FAAH2: variants seen among roughly 807,000 people sequenced by gnomAD.
FAAH2 encodes fatty-acid amide hydrolase 2.
FAAH2 carries 60 observed loss-of-function variants against 36.9 expected under a neutral mutation model. The ratio of observed to expected loss-of-function variants is 1.63; its 90% CI spans 1.32 to 2.02. The LOEUF (loss-of-function observed/expected upper bound fraction) is 2.02. Among genes scored for constraint, FAAH2 ranks in the 30% most tolerant of loss-of-function variants. FAAH2 has a pLI of 0.00. For missense variants in FAAH2, 689 were observed against 397.5 expected, an observed-to-expected ratio of 1.73 and a Z score of -6.23; for synonymous variants, 214 against 143.8, an observed-to-expected ratio of 1.49 and a Z score of -3.49.
At chrX:57,178,999 C>A in the FAAH2 span, among the ~76,000 whole-genome samples, 2 of 111,394 alleles carry the variant, frequency 1.8e-5, no homozygotes, top group African/African-American at 6.5e-5. Flanking sequence ...AATATTGGAA[C>A]CAAGAATTTT....
chrX:57,418,439 T>A (rs2055905779), intron 7 of FAAH2, among the ~76,000 whole-genome samples: 3 of 110,880 alleles, frequency 2.7e-5, no homozygotes, highest in Admixed American at 9.6e-5. Flanking sequence ...TATTGCACCA[T>A]CCCTCATGGC....
the FAAH2 span, among the ~76,000 whole-genome samples, chrX:57,217,124 G>T: frequency 1.1e-4 from 12 of 110,807 alleles, no homozygotes; most frequent in Non-Finnish European, 1.7e-4. Context: ...TGATGGGATT[G>T]ATTGTTTTTT....
At chrX:57,259,948 T>A in the FAAH2 span, among the ~76,000 whole-genome samples, 1 of 112,007 alleles carries the variant, frequency 8.9e-6, no homozygotes, top group Non-Finnish European at 1.9e-5. Context: ...TAATAGTGAC[T>A]GAAATATCAC....
chrX:57,210,478 A>AATAT, the FAAH2 span, among the ~76,000 whole-genome samples: 3 of 112,369 alleles, frequency 2.7e-5, no homozygotes, highest in Admixed American at 9.5e-5. Flanking sequence ...AATGCAATGC[A>AATAT]ATATATAATA....
At chrX:57,348,422 C>T (rs143429074) in intron 5 of FAAH2, among the ~76,000 whole-genome samples, 1,262 of 111,147 alleles carry the variant, frequency 0.011, 19 homozygotes, top group African/African-American at 0.039. Context: ...CTTAAGAGCC[C>T]ACTTTCCTAC....
chrX:57,243,546 G>A, the FAAH2 span, among the ~76,000 whole-genome samples: 1 of 112,215 alleles, frequency 8.9e-6, no homozygotes, highest in African/African-American at 3.2e-5. Flanking sequence ...GCTTCCAGAG[G>A]AAGGAAAAGG....
intron 5 of FAAH2, among the ~76,000 whole-genome samples, chrX:57,371,554 T>A (rs974242073): frequency 9.2e-6 from 1 of 108,273 alleles, no homozygotes; most frequent in Non-Finnish European, 1.9e-5. Flanking sequence ...TGCAGGTGCA[T>A]GTGTCTTTTA....
the FAAH2 span, among the ~76,000 whole-genome samples, chrX:57,278,856 G>C: frequency 8.9e-6 from 1 of 112,261 alleles, no homozygotes; most frequent in African/African-American, 3.2e-5. Flanking sequence ...ATGAAAAAAT[G>C]CTCATCATCA....
chrX:57,473,656 T>G (rs555485884), intron 10 of FAAH2, among the ~76,000 whole-genome samples: 1 of 111,712 alleles, frequency 9.0e-6, no homozygotes, highest in South Asian at 3.7e-4. Context: ...ATCTATTTTC[T>G]TAGGTCTAGA....
chrX:57,299,145 C>G (rs191009580), intron 2 of FAAH2, among the ~76,000 whole-genome samples: 1 of 110,962 alleles, frequency 9.0e-6, no homozygotes, highest in East Asian at 2.8e-4. Context: ...GACAGAGACA[C>G]AACAAAAAAA....
At chrX:57,252,524 T>C in the FAAH2 span, among the ~76,000 whole-genome samples, 1 of 111,951 alleles carries the variant, frequency 8.9e-6, no homozygotes, top group Non-Finnish European at 1.9e-5. Flanking sequence ...CATCTCTGGC[T>C]GGCATCTAGA....
chrX:57,275,644 C>G, the FAAH2 span, among the ~76,000 whole-genome samples: 1 of 111,823 alleles, frequency 8.9e-6, no homozygotes, highest in Admixed American at 9.5e-5. Context: ...TGGATAGAGT[C>G]GAGACCTGCT....
rs191737847 is a variant in FAAH2 at position 57,392,419 on chromosome X, T to G, written c.996+11390T>G. Among the ~76,000 whole-genome samples, 440 of 111,812 alleles carry G rather than the reference T, an allele frequency of 3.9e-3. 2 individuals carry two copies. The highest frequency in any genetic ancestry group is 0.014 in the African/African-American group (422 of 30,803). ...GGCAAAACTATTTCCTTTTATTCTG[T>G]GGAACGTCACTAACGTAAATAGACA... On this transcript the variant is annotated intron_variant, in intron 7 of 10. Coordinates refer to ENST00000374900, the MANE Select transcript of FAAH2 (RefSeq NM_174912.4).
At chrX:57,245,297 C>T in the FAAH2 span, among the ~76,000 whole-genome samples, 3 of 111,190 alleles carry the variant, frequency 2.7e-5, no homozygotes, top group African/African-American at 9.8e-5. Flanking sequence ...CTTTAACACC[C>T]CATTGTTAAT....
chrX:57,142,847 A>G, the FAAH2 span, among the ~76,000 whole-genome samples: 1 of 111,447 alleles, frequency 9.0e-6, no homozygotes, highest in Non-Finnish European at 1.9e-5. Flanking sequence ...CCCCTTTATC[A>G]TTATATAATG....
chrX:57,231,034 AGTGTGTGTGTGTGTGTGTGT>A, the FAAH2 span, among the ~76,000 whole-genome samples: 1 of 94,456 alleles, frequency 1.1e-5, no homozygotes, highest in African/African-American at 4.0e-5. Flanking sequence ...CTCCAAAGGA[AGTGTGTGTGTGTGTGTGTGT>A]GTGTGTGTGT....
chrX:57,229,072 A>G, the FAAH2 span: 1 of 105,331 alleles, frequency 9.5e-6, no homozygotes, highest in African/African-American at 3.6e-5. Flanking sequence ...AAATTATTTC[A>G]GAGCCCACAG....
chrX:57,335,397 G>A (rs2053520528), intron 4 of FAAH2, among the ~76,000 whole-genome samples: 2 of 112,147 alleles, frequency 1.8e-5, no homozygotes, highest in South Asian at 3.8e-4. Context: ...TGGAGAGAAG[G>A]TCAACAGGTA....
intron 5 of FAAH2, among the ~76,000 whole-genome samples, chrX:57,349,452 C>T (rs1340127463): frequency 1.1e-5 from 1 of 94,620 alleles, no homozygotes; most frequent in Non-Finnish European, 2.0e-5. Context: ...CACATAGATA[C>T]ATATATATAC....
Sources: allele counts gnomAD v4.1 joint callset (sites outside exome capture counted in the v4.1 genomes callset), GRCh38; gene constraint gnomAD v4.1.1; transcripts MANE v1.5; gene names NCBI Gene and HGNC (gene_info 2026-07-23, HGNC 2026-07-21).